CEP85L: variants seen among roughly 807,000 people sequenced by gnomAD.
The protein encoded by CEP85L is centrosomal protein of 85 kDa-like.
A neutral mutation model predicts 100.3 loss-of-function variants in CEP85L; 60 were observed. The observed-to-expected ratio is 0.60, with a 90% CI of 0.49 to 0.74. CEP85L has a LOEUF of 0.74. Among genes scored for constraint, CEP85L ranks in the 30% least tolerant of loss-of-function variants. CEP85L has a pLI of 0.00. For missense variants in CEP85L, 973 were observed against 936.2 expected, an observed-to-expected ratio of 1.04 and a Z score of -0.51; for synonymous variants, 319 against 322.7, an observed-to-expected ratio of 0.99 and a Z score of 0.12.
chr6:118,652,031 G>A, upstream of CEP85L: 1 of 467,976 alleles, frequency 2.1e-6, no homozygotes, highest in Non-Finnish European at 2.8e-6. Context: ...ATCCTCATCT[G>A]TATTCCTTCG....
At chr6:118,561,911 G>T (rs1458637734) in intron 3 of CEP85L, among the ~76,000 whole-genome samples, 1 of 152,046 alleles carries the variant, frequency 6.6e-6, no homozygotes, top group Non-Finnish European at 1.5e-5. Context: ...TTTATCTTTT[G>T]ATTATTTTTG....
At chr6:118,672,012 A>G (rs538755296) in intron 1 of CEP85L, among the ~76,000 whole-genome samples, 5 of 152,266 alleles carry the variant, frequency 3.3e-5, no homozygotes, top group Middle Eastern at 3.4e-3. Flanking sequence ...TTCTTTACAA[A>G]TAATTTGACG....
At chr6:118,622,021 G>A (rs1163889918) in intron 2 of CEP85L, among the ~76,000 whole-genome samples, 1 of 152,220 alleles carries the variant, frequency 6.6e-6, no homozygotes, top group Middle Eastern at 3.2e-3. Context: ...ATGTCACAGA[G>A]AGACCAGGAA....
In CEP85L at chr6:118,463,285, A is replaced by G. The variant is rs1164802491; in HGVS notation, c.*2120T>C. The G allele has an allele frequency of 2.0e-5, 3 of 151,984 alleles. No individual in the cohort carries two copies. Among genetic ancestry groups the G allele is most frequent in the Non-Finnish European group, 4.4e-5 (3 of 67,902 alleles). The allele number at this position is 151,984 out of a possible 1,614,324, so 9.4% of individuals were successfully genotyped here. On this transcript the variant is annotated 3_prime_UTR_variant, in exon 13 of 13. Transcript: ENST00000368491. ...AAATAAATAAACCCATAAAATCCCA[A>G]AACATACACTAAAAATCTAGGAGAG...
chr6:118,660,012 G>C (rs1468849324), intron 1 of CEP85L, among the ~76,000 whole-genome samples: 1 of 152,236 alleles, frequency 6.6e-6, no homozygotes, highest in East Asian at 1.9e-4. Flanking sequence ...TTTTAGAACA[G>C]ATGGCTTAAA....
intron 1 of CEP85L, among the ~76,000 whole-genome samples, chr6:118,708,756 C>G (rs1270328728): frequency 6.6e-6 from 1 of 152,120 alleles, no homozygotes; most frequent in Non-Finnish European, 1.5e-5. Flanking sequence ...CTTGAATAGA[C>G]TTTTTTCCTT....
At chr6:118,486,017 T>C (rs1224088766) in intron 6 of CEP85L, among the ~76,000 whole-genome samples, 1 of 152,218 alleles carries the variant, frequency 6.6e-6, no homozygotes, top group Admixed American at 6.5e-5. Context: ...CCAACTCTCT[T>C]TGCTGTCATG....
At chr6:118,482,251 A>C (rs1773845803) in intron 7 of CEP85L, among the ~76,000 whole-genome samples, 1 of 152,188 alleles carries the variant, frequency 6.6e-6, no homozygotes, top group Non-Finnish European at 1.5e-5. Flanking sequence ...AACAATTTCC[A>C]AGTGTATGAC....
chr6:118,475,596 C>T (rs192864841), intron 10 of CEP85L, among the ~76,000 whole-genome samples: 32 of 152,058 alleles, frequency 2.1e-4, no homozygotes, highest in East Asian at 3.9e-4. Flanking sequence ...CCTCATGATC[C>T]GCCTGCCTCG....
At chr6:118,502,507 A>G in intron 5 of CEP85L, 1 of 506,676 alleles carries the variant, frequency 2.0e-6, no homozygotes, top group South Asian at 1.7e-5. Flanking sequence ...ACACAAGTAG[A>G]GCCAGCAGGA....
chr6:118,554,667 C>T (rs187936704), intron 3 of CEP85L, among the ~76,000 whole-genome samples: 1 of 152,284 alleles, frequency 6.6e-6, no homozygotes, highest in Admixed American at 6.5e-5. Flanking sequence ...ATATAGATAA[C>T]ACTAAAGCCC....
chr6:118,563,199 A>G (rs1422046379), intron 3 of CEP85L, among the ~76,000 whole-genome samples: 2 of 152,206 alleles, frequency 1.3e-5, no homozygotes, highest in Non-Finnish European at 2.9e-5. Flanking sequence ...CACAAAGGAA[A>G]ATGATTCAGA....
chr6:118,624,773 A>C (rs1773675578), intron 2 of CEP85L, among the ~76,000 whole-genome samples: 1 of 152,214 alleles, frequency 6.6e-6, no homozygotes, highest in Admixed American at 6.5e-5. Flanking sequence ...ATGTGGGTAT[A>C]ACTGATGAGA....
intron 2 of CEP85L, among the ~76,000 whole-genome samples, chr6:118,576,266 A>G (rs1240939099): frequency 1.3e-5 from 2 of 152,302 alleles, no homozygotes; most frequent in East Asian, 1.9e-4. Context: ...AAGGCCTCCT[A>G]GCGAGATTAC....
chr6:118,537,418 A>T, intron 3 of CEP85L: 1 of 670,752 alleles, frequency 1.5e-6, no homozygotes, highest in Non-Finnish European at 1.8e-6. Flanking sequence ...GGCCTCATTT[A>T]GATGTTTTAC....
intron 2 of CEP85L, among the ~76,000 whole-genome samples, chr6:118,631,785 G>A (rs1774169166): frequency 1.3e-5 from 2 of 152,260 alleles, no homozygotes; most frequent in African/African-American, 2.4e-5. Flanking sequence ...TGGCTTCCAA[G>A]AGTTAAGAGA....
At chr6:118,615,734 A>G (rs932670578) in intron 2 of CEP85L, among the ~76,000 whole-genome samples, 1 of 152,208 alleles carries the variant, frequency 6.6e-6, no homozygotes, top group Non-Finnish European at 1.5e-5. Context: ...GAGGGCAGTC[A>G]ACCACACCTA....
At chr6:118,490,997 A>C (rs1259004997) in intron 6 of CEP85L, among the ~76,000 whole-genome samples, 1 of 152,118 alleles carries the variant, frequency 6.6e-6, no homozygotes, top group Non-Finnish European at 1.5e-5. Context: ...AAGCATGTGC[A>C]AGTGTTTTTT....
intron 1 of CEP85L, among the ~76,000 whole-genome samples, chr6:118,687,883 T>C (rs1321058382): frequency 6.6e-6 from 1 of 152,190 alleles, no homozygotes; most frequent in African/African-American, 2.4e-5. Context: ...CTTGCCATTG[T>C]TCCTGCACGG....
Sources: allele counts gnomAD v4.1 joint callset (sites outside exome capture counted in the v4.1 genomes callset), GRCh38; gene constraint gnomAD v4.1.1; transcripts MANE v1.5; gene names NCBI Gene and HGNC (gene_info 2026-07-23, HGNC 2026-07-21).